Variants in DCDC1 observed in about 807,000 individuals in gnomAD.
DCDC1 encodes doublecortin domain-containing protein 1.
Under a neutral mutation model 178.3 loss-of-function variants are expected in DCDC1, and 200 were observed. The ratio of observed to expected loss-of-function variants is 1.12; its 90% CI spans 1.00 to 1.26. The LOEUF is 1.26. DCDC1 is among the 50% of genes most tolerant of loss of function. DCDC1 has a pLI of 0.00. For synonymous variants in DCDC1, 690 were observed against 604.8 expected, an observed-to-expected ratio of 1.14 and a Z score of -2.07; for missense variants, 1,983 against 1,749.2, an observed-to-expected ratio of 1.13 and a Z score of -2.38.
chr11:30,964,355 C>A (rs1949298925), intron 20 of DCDC1, among the ~76,000 whole-genome samples: 1 of 152,146 alleles, frequency 6.6e-6, no homozygotes, highest in Admixed American at 6.6e-5. Context: ...ATGTGCAGTT[C>A]TTGACTAATT....
intron 32 of DCDC1, among the ~76,000 whole-genome samples, chr11:30,902,123 C>G (rs114210527): frequency 0.016 from 2,408 of 152,024 alleles, 68 homozygotes; most frequent in African/African-American, 0.054. Context: ...TGTGTGCTTT[C>G]CAAAATTCTG....
At chr11:31,292,117 C>G (rs367552588) in intron 6 of DCDC1, among the ~76,000 whole-genome samples, 1 of 152,050 alleles carries the variant, frequency 6.6e-6, no homozygotes, top group East Asian at 1.9e-4. Flanking sequence ...TAAATTAAAA[C>G]TAGATTATAA....
chr11:31,013,100 G>A (rs560113279), intron 20 of DCDC1, among the ~76,000 whole-genome samples: 2 of 152,188 alleles, frequency 1.3e-5, no homozygotes, highest in South Asian at 4.1e-4. Flanking sequence ...ATTTTATGCT[G>A]GTTTGAATAT....
At chr11:31,126,201 T>A (rs1384588294) in intron 11 of DCDC1, among the ~76,000 whole-genome samples, 1 of 152,180 alleles carries the variant, frequency 6.6e-6, no homozygotes, top group Non-Finnish European at 1.5e-5. Context: ...TCTTAGCAGC[T>A]GCATCCTTCT....
intron 9 of DCDC1, among the ~76,000 whole-genome samples, chr11:31,191,302 G>A (rs943120015): frequency 6.6e-6 from 1 of 151,952 alleles, no homozygotes; most frequent in Non-Finnish European, 1.5e-5. Flanking sequence ...TTAGGCCTTT[G>A]TCTATGTGTG....
chr11:31,330,230 C>G (rs536936311), intron 2 of DCDC1, among the ~76,000 whole-genome samples: 18 of 123,886 alleles, frequency 1.5e-4, no homozygotes, highest in African/African-American at 4.8e-4. Context: ...ATCCTACGCC[C>G]ACTTTTTGAT....
At position 31,022,682 on chromosome 11, in the gene DCDC1, T is replaced by TG. The variant is rs1156586924; in HGVS notation, c.2591+41786dup. ...GTGTGTGTGTGTGTGTGTGTGTGTG[T>TG]GTGTGGTATGTGTTTATCTATCTAT... On this transcript the variant is annotated intron_variant, in intron 20 of 38. Transcript: ENST00000684477. 3.3e-3 allele frequency among the ~76,000 whole-genome samples: 493 copies of TG among 150,498 alleles called. 6 individuals carry two copies. The highest frequency in any genetic ancestry group is 0.012 in the African/African-American group (478 of 40,876).
In DCDC1 at chr11:31,307,702, T is replaced by C; in HGVS notation, c.371A>G (p.Asn124Ser). Residue 124 changes from asparagine (N) to serine (S), a missense_variant, in exon 4 of 39, where the codon AAT (asparagine) becomes AGT (serine). Coordinates refer to ENST00000684477, the MANE Select transcript of DCDC1 (RefSeq NM_001387274.1). ...LDSYKSNSKN[N>S]SCSISASKRN... ...CTTGGATGCTGATATAGAACAAGAA[T>C]TGTTTTTACTGTTTGATTTGTAGCT... The C allele has an allele frequency of 1.9e-6, 3 of 1,614,128 alleles. No individual in the cohort carries two copies. Among genetic ancestry groups the C allele is most frequent in the Middle Eastern group, 3.3e-4 (2 of 6,062 alleles).
chr11:31,153,517 T>C (rs1399690792), intron 9 of DCDC1, among the ~76,000 whole-genome samples: 1 of 152,118 alleles, frequency 6.6e-6, no homozygotes. Context: ...TCGCAGTGGC[T>C]CACGCATGTA....
chr11:30,922,522 G>A lies in DCDC1; in HGVS notation c.3114C>T (p.Cys1038=). Residue 1038 remains cysteine, a synonymous_variant, in exon 24 of 39, where the codon TGC becomes TGT. Transcript: ENST00000684477. ...GCTTACCTTCTATTTTATGTGTGCT[G>A]CAGAAGATTTGAATTTTGGCAATGT... The part of the protein sequence containing the change: ...ESDIAKIQIF[C]STHKIEALVL... The A allele has an allele frequency of 1.9e-6, 3 of 1,565,796 alleles. No homozygotes were observed. Among genetic ancestry groups the A allele is most frequent in the Non-Finnish European group, 8.6e-7 (1 of 1,163,212 alleles).
chr11:30,928,712 T>A (rs72882618), intron 22 of DCDC1, among the ~76,000 whole-genome samples: 139 of 150,016 alleles, frequency 9.3e-4, no homozygotes, highest in Admixed American at 2.5e-3. Context: ...AACTTCATTT[T>A]AAATATTACA....
chr11:31,124,059 G>C (rs2135909744), intron 11 of DCDC1, among the ~76,000 whole-genome samples: 1 of 152,152 alleles, frequency 6.6e-6, no homozygotes, highest in African/African-American at 2.4e-5. Context: ...AAAAGGGAGT[G>C]AATAAGAGTG....
At chr11:30,976,639 C>T (rs1450451288) in intron 20 of DCDC1, among the ~76,000 whole-genome samples, 1 of 151,820 alleles carries the variant, frequency 6.6e-6, no homozygotes, top group African/African-American at 2.4e-5. Flanking sequence ...GAGATATCAT[C>T]TCACCCCAGT....
chr11:31,232,978 C>G (rs1257145621), intron 9 of DCDC1, among the ~76,000 whole-genome samples: 1 of 151,856 alleles, frequency 6.6e-6, no homozygotes, highest in East Asian at 1.9e-4. Flanking sequence ...ACGCCAGCTA[C>G]TCGGGAGGCT....
rs117908026 is a variant in DCDC1 at position 31,029,333 on chromosome 11, A to G, written c.2591+35136T>C. Reference sequence around the variant, plus strand: ...AAATACAATCTATTTTTTAATTGCCATTACACAAAATTCAAGAAGAAAAAG... The same window carrying G: ...AAATACAATCTATTTTTTAATTGCCGTTACACAAAATTCAAGAAGAAAAAG... On this transcript the variant is annotated intron_variant, in intron 20 of 38. Coordinates refer to ENST00000684477, the MANE Select transcript of DCDC1 (RefSeq NM_001387274.1). 6.8e-3 allele frequency among the ~76,000 whole-genome samples: 1,032 copies of G among 152,216 alleles called. 17 individuals carry two copies. The highest frequency in any genetic ancestry group is 0.044 in the South Asian group (212 of 4,834).
intron 23 of DCDC1, among the ~76,000 whole-genome samples, chr11:30,924,760 G>C (rs1442110462): frequency 1.3e-5 from 2 of 152,168 alleles, no homozygotes; most frequent in Middle Eastern, 3.4e-3. Flanking sequence ...CTAGAGTCTA[G>C]GATCATGATG....
intron 11 of DCDC1, among the ~76,000 whole-genome samples, chr11:31,111,451 G>A (rs1362487658): frequency 6.6e-6 from 1 of 152,072 alleles, no homozygotes; most frequent in Non-Finnish European, 1.5e-5. Context: ...GTCAAAAATT[G>A]CAGGTTTCAT....
chr11:31,170,818 T>C (rs1457036018), intron 9 of DCDC1, among the ~76,000 whole-genome samples: 2 of 152,038 alleles, frequency 1.3e-5, no homozygotes, highest in African/African-American at 4.8e-5. Context: ...GCTTTTTTAT[T>C]TTATTTTATT....
intron 7 of DCDC1, among the ~76,000 whole-genome samples, chr11:31,278,263 C>T (rs1946141231): frequency 6.6e-6 from 1 of 152,002 alleles, no homozygotes; most frequent in Non-Finnish European, 1.5e-5. Flanking sequence ...CCATATCATC[C>T]TGTTTTGATT....
Sources: gnomAD v4.1 joint callset for allele counts (sites outside exome capture counted in the v4.1 genomes callset) on GRCh38, gnomAD v4.1.1 for gene constraint, MANE v1.5 for transcripts, NCBI Gene and HGNC (gene_info 2026-07-23, HGNC 2026-07-21) for gene names.